Variants in NEDD4L observed in about 807,000 individuals in gnomAD.
NEDD4L encodes the protein E3 ubiquitin-protein ligase NEDD4-like.
In NEDD4L, 54 loss-of-function variants were observed where a neutral mutation model predicts 148.9. The observed-to-expected ratio is 0.36, with a 90% confidence interval of 0.29 to 0.45. The LOEUF is 0.45. Among genes scored for constraint, NEDD4L ranks in the 20% least tolerant of loss-of-function variants. The pLI is 1.00. For missense variants in NEDD4L, 856 were observed against 1,233.8 expected (o/e 0.69, Z 4.59); for synonymous variants, 433 against 440.7 (o/e 0.98, Z 0.22).
intron 2 of NEDD4L, among the ~76,000 whole-genome samples, chr18:58,215,092 G>A (rs1295923075): frequency 7.9e-5 from 12 of 152,252 alleles, no homozygotes; most frequent in Non-Finnish European, 1.5e-4. Flanking sequence ...GATTACAGGC[G>A]TGAGCCACCA....
intron 1 of NEDD4L, among the ~76,000 whole-genome samples, chr18:58,056,667 A>G (rs4355014): frequency 0.75 from 113,668 of 151,864 alleles, 43,022 homozygotes; most frequent in East Asian, 0.99. Context: ...TGCAACCTCC[A>G]CCTCCTGGGT....
intron 5 of NEDD4L, among the ~76,000 whole-genome samples, chr18:58,297,165 C>G (rs2055737599): frequency 6.6e-6 from 1 of 152,190 alleles, no homozygotes; most frequent in Non-Finnish European, 1.5e-5. Context: ...CATCTGAGGA[C>G]CTTTCATTTA....
At chr18:58,206,771 G>A (rs1367560125) in intron 2 of NEDD4L, among the ~76,000 whole-genome samples, 1 of 152,208 alleles carries the variant, frequency 6.6e-6, no homozygotes, top group Non-Finnish European at 1.5e-5. Flanking sequence ...AAGTGTGTGG[G>A]TGTTTGTGGG....
chr18:58,168,239 C>T (rs978202536), intron 2 of NEDD4L, among the ~76,000 whole-genome samples: 2 of 152,184 alleles, frequency 1.3e-5, no homozygotes, highest in Admixed American at 6.5e-5. Flanking sequence ...TTCCTCCCTC[C>T]TCTGAAGTGC....
chr18:58,349,993 GAGA>G (rs1440642969), intron 17 of NEDD4L, among the ~76,000 whole-genome samples: 1 of 152,166 alleles, frequency 6.6e-6, no homozygotes, highest in African/African-American at 2.4e-5. Context: ...AATAGTATGG[GAGA>G]AGAAGGCCTA....
intron 2 of NEDD4L, among the ~76,000 whole-genome samples, chr18:58,180,898 C>T (rs2038787079): frequency 6.6e-6 from 1 of 152,208 alleles, no homozygotes; most frequent in African/African-American, 2.4e-5. Flanking sequence ...TCTATTCCTT[C>T]TCTGGTCTAT....
At chr18:58,375,135 CCCT>C (rs2047395897) in intron 24 of NEDD4L, among the ~76,000 whole-genome samples, 1 of 152,076 alleles carries the variant, frequency 6.6e-6, no homozygotes, top group South Asian at 2.1e-4. Context: ...ATGCCATCTC[CCCT>C]CCTCATGCCA....
At chr18:58,225,544 C>T (rs1488554852) in intron 2 of NEDD4L, among the ~76,000 whole-genome samples, 1 of 152,178 alleles carries the variant, frequency 6.6e-6, no homozygotes, top group Non-Finnish European at 1.5e-5. Flanking sequence ...GAAGTGTGGG[C>T]AAGGTAAAAT....
At position 58,144,248 on chromosome 18, in the gene NEDD4L, A is replaced by G. The variant is rs143068819; in HGVS notation, c.49-21540A>G. 1.3e-4 allele frequency among the ~76,000 whole-genome samples: 20 copies of G among 152,274 alleles called. No homozygotes were observed. The East Asian group carries it at 2.7e-3, about 21-fold the overall frequency. ...GGCTCTGCACGCTGTACTGGATGAT[A>G]CAGGATGCATGATGCTGACATCTGC... On this transcript the variant is annotated intron_variant, in intron 1 of 30. Coordinates refer to ENST00000400345, the MANE Select transcript of NEDD4L (RefSeq NM_001144967.3).
At chr18:58,229,064 G>A (rs2044737635) in intron 2 of NEDD4L, among the ~76,000 whole-genome samples, 2 of 152,050 alleles carry the variant, frequency 1.3e-5, no homozygotes, top group South Asian at 4.2e-4. Flanking sequence ...ACTGCTCTGC[G>A]GTAAAACGAC....
chr18:58,197,386 A>G (rs1310852471), intron 2 of NEDD4L, among the ~76,000 whole-genome samples: 1 of 152,026 alleles, frequency 6.6e-6, no homozygotes, highest in Non-Finnish European at 1.5e-5. Context: ...TGTGGGTGGG[A>G]GCAGCTTTAC....
In NEDD4L at chr18:58,351,034, A is replaced by G; in HGVS notation, c.1697A>G (p.Tyr566Cys). 6.3e-7 allele frequency: 1 copy of G among 1,592,396 alleles called. No homozygotes were observed. The highest frequency in any genetic ancestry group is 1.3e-5 in the African/African-American group (1 of 74,682). The change falls in exon 18 of 31, where the codon TAT becomes TGT. Residue 566 changes from tyrosine (Y) to cysteine (C), a missense_variant. Tyr to Cys is a radical substitution (Grantham distance 194, BLOSUM62 -2). Around this residue, in one of 4 missense-constraint regions of NEDD4L, gnomAD observed 286 missense variants for 531.8 expected, o/e 0.54. Coordinates refer to ENST00000400345, the MANE Select transcript of NEDD4L (RefSeq NM_001144967.3). ...ERIHLDGRTF[Y>C]IDHNSKITQW... ...ATTCACTTGGATGGCCGAACGTTTT[A>G]TATTGATCATAGTAAGTAGGCGCTG...
At chr18:58,285,353 G>C (rs562399027) in intron 5 of NEDD4L, among the ~76,000 whole-genome samples, 1 of 152,136 alleles carries the variant, frequency 6.6e-6, no homozygotes, top group Non-Finnish European at 1.5e-5. Context: ...GTTTGAGATA[G>C]GGTCTTGCTC....
At chr18:58,106,897 A>T (rs1599315899) in intron 1 of NEDD4L, among the ~76,000 whole-genome samples, 1 of 152,182 alleles carries the variant, frequency 6.6e-6, no homozygotes, top group Admixed American at 6.5e-5. Flanking sequence ...ACACGGCAGG[A>T]GAATGATGAG....
chr18:58,333,610 T>C (rs1453495176), intron 11 of NEDD4L, among the ~76,000 whole-genome samples: 2 of 152,196 alleles, frequency 1.3e-5, no homozygotes, highest in African/African-American at 4.8e-5. Flanking sequence ...TAAGGACCAA[T>C]CAAAATTCCA....
At chr18:58,149,239 G>T in intron 1 of NEDD4L, 1 of 351,932 alleles carries the variant, frequency 2.8e-6, no homozygotes, top group South Asian at 6.0e-5. Context: ...TCCTGAAGAG[G>T]TAACTTGGCA....
chr18:58,161,765 C>T (rs188136392), intron 1 of NEDD4L, among the ~76,000 whole-genome samples: 1 of 152,070 alleles, frequency 6.6e-6, no homozygotes, highest in Non-Finnish European at 1.5e-5. Flanking sequence ...ATTTTCCCTT[C>T]TTTATCTCCA....
At chr18:58,107,658 G>A (rs964193035) in intron 1 of NEDD4L, among the ~76,000 whole-genome samples, 6 of 151,846 alleles carry the variant, frequency 4.0e-5, no homozygotes, top group Admixed American at 6.6e-5. Context: ...AGTCAAGTCT[G>A]CAGTGAGCAA....
At chr18:58,079,630 C>T (rs1028781001) in intron 1 of NEDD4L, among the ~76,000 whole-genome samples, 8 of 152,196 alleles carry the variant, frequency 5.3e-5, no homozygotes, top group African/African-American at 1.4e-4. Context: ...GCCACCTCCC[C>T]GCATGCACCA....
Sources: allele counts gnomAD v4.1 joint callset (sites outside exome capture counted in the v4.1 genomes callset), GRCh38; gene constraint gnomAD v4.1.1; regional missense constraint gnomAD v4.1.1; transcripts MANE v1.5; gene names NCBI Gene and HGNC (gene_info 2026-07-23, HGNC 2026-07-21).